Variants in TMEM232 observed in about 807,000 individuals in gnomAD.
The protein encoded by TMEM232 is transmembrane protein 232.
TMEM232 carries 80 observed loss-of-function variants against 78.8 expected under a neutral mutation model. The observed-to-expected ratio is 1.01, with a 90% CI of 0.85 to 1.22. The LOEUF (loss-of-function observed/expected upper bound fraction) is 1.22, where lower values mean the gene tolerates loss of function less well. Among genes scored for constraint, TMEM232 ranks in the 50% most tolerant of loss-of-function variants. TMEM232 has a pLI of 0.00. For missense variants in TMEM232, 881 were observed against 742.2 expected (o/e 1.19, Z -2.17); for synonymous variants, 297 against 254.3 (o/e 1.17, Z -1.60).
intron 11 of TMEM232, among the ~76,000 whole-genome samples, chr5:110,533,983 C>G (rs141127244): frequency 5.6e-4 from 86 of 152,288 alleles, no homozygotes; most frequent in African/African-American, 2.0e-3. Flanking sequence ...TACTACTTCT[C>G]AAGGATTATT....
At chr5:110,668,542 A>G (rs557729726) in intron 1 of TMEM232, among the ~76,000 whole-genome samples, 1 of 152,148 alleles carries the variant, frequency 6.6e-6, no homozygotes, top group African/African-American at 2.4e-5. Context: ...CAAAATATGG[A>G]TCACAGACAC....
intron 12 of TMEM232, among the ~76,000 whole-genome samples, chr5:110,437,614 T>C (rs1247949108): frequency 6.6e-6 from 1 of 152,020 alleles, no homozygotes; most frequent in Admixed American, 6.6e-5. Flanking sequence ...TACATGCATA[T>C]TATATACTTC....
chr5:110,707,064 A>G (rs1250057325), intron 1 of TMEM232, among the ~76,000 whole-genome samples: 2 of 152,200 alleles, frequency 1.3e-5, no homozygotes, highest in Non-Finnish European at 2.9e-5. Flanking sequence ...GGAATATCCA[A>G]ATAAAATTGT....
intron 12 of TMEM232, among the ~76,000 whole-genome samples, chr5:110,449,712 T>A (rs992721095): frequency 2.6e-5 from 4 of 152,152 alleles, no homozygotes; most frequent in Admixed American, 1.3e-4. Context: ...TTAATAACTA[T>A]GGAGCACCTA....
At chr5:110,431,301 T>TTGATGA (rs1757814075) in intron 12 of TMEM232, among the ~76,000 whole-genome samples, 1 of 151,610 alleles carries the variant, frequency 6.6e-6, no homozygotes. Context: ...GAGAGAGGCC[T>TTGATGA]TGATGAACAC....
intron 12 of TMEM232, among the ~76,000 whole-genome samples, chr5:110,438,733 A>G (rs951058665): frequency 1.3e-5 from 2 of 151,950 alleles, no homozygotes; most frequent in East Asian, 3.9e-4. Context: ...CTCCCCTACA[A>G]CTCAGTTCAA....
intron 11 of TMEM232, among the ~76,000 whole-genome samples, chr5:110,535,236 C>T (rs1272389621): frequency 2.0e-5 from 3 of 152,022 alleles, no homozygotes; most frequent in Admixed American, 6.5e-5. Flanking sequence ...GTGAAAATGG[C>T]CTGTTCCTGC....
intron 10 of TMEM232, among the ~76,000 whole-genome samples, chr5:110,579,130 G>A (rs913582187): frequency 2.0e-5 from 3 of 151,622 alleles, no homozygotes; most frequent in Non-Finnish European, 4.4e-5. Flanking sequence ...TCAAGGGGAT[G>A]ATTGTAAGAC....
intron 12 of TMEM232, among the ~76,000 whole-genome samples, chr5:110,514,414 A>C (rs1254075365): frequency 6.6e-6 from 1 of 152,176 alleles, no homozygotes; most frequent in Non-Finnish European, 1.5e-5. Context: ...TTATATTCTA[A>C]AGAAAATAAA....
At chr5:110,445,783 G>A (rs972006066) in intron 12 of TMEM232, among the ~76,000 whole-genome samples, 2 of 152,124 alleles carry the variant, frequency 1.3e-5, no homozygotes, top group Non-Finnish European at 2.9e-5. Flanking sequence ...GGCGATCAAA[G>A]ACATGACTTT....
intron 12 of TMEM232, among the ~76,000 whole-genome samples, chr5:110,437,674 A>G (rs1758586794): frequency 6.6e-6 from 1 of 152,144 alleles, no homozygotes; most frequent in Non-Finnish European, 1.5e-5. Context: ...GGTAAGAAGC[A>G]TATTTTAGTA....
intron 11 of TMEM232, among the ~76,000 whole-genome samples, chr5:110,544,744 G>A (rs936072513): frequency 6.6e-6 from 1 of 151,914 alleles, no homozygotes; most frequent in African/African-American, 2.4e-5. Flanking sequence ...TCAAAGTAGT[G>A]TCATAAGATT....
At chr5:110,477,394 T>G (rs1041987204) in intron 12 of TMEM232, among the ~76,000 whole-genome samples, 1 of 152,046 alleles carries the variant, frequency 6.6e-6, no homozygotes, top group Non-Finnish European at 1.5e-5. Flanking sequence ...GTAACAAATC[T>G]AGTTTTGTAA....
chr5:110,501,928 GT>G (rs1308648755), intron 12 of TMEM232, among the ~76,000 whole-genome samples: 1 of 152,022 alleles, frequency 6.6e-6, no homozygotes, highest in African/African-American at 2.4e-5. Context: ...GTTTTGCCGA[GT>G]TTTTAATATA....
chr5:110,707,900 C>A (rs1246920472), intron 1 of TMEM232, among the ~76,000 whole-genome samples: 1 of 152,160 alleles, frequency 6.6e-6, no homozygotes, highest in Non-Finnish European at 1.5e-5. Flanking sequence ...CATTTTTAGA[C>A]ACACCCCGGG....
intron 1 of TMEM232, among the ~76,000 whole-genome samples, chr5:110,683,151 A>T (rs1792960868): frequency 6.6e-6 from 1 of 152,156 alleles, no homozygotes; most frequent in South Asian, 2.1e-4. Context: ...CTTTTAATTA[A>T]TTATATAAAT....
chr5:110,607,406 T>G (rs1249192128), intron 8 of TMEM232, among the ~76,000 whole-genome samples: 1 of 151,980 alleles, frequency 6.6e-6, no homozygotes, highest in African/African-American at 2.4e-5. Flanking sequence ...TTAACCTTAG[T>G]GTGGCAGGTG....
chr5:110,399,652 C>CT (rs1253423979), intron 2 of TMEM232, among the ~76,000 whole-genome samples: 5 of 152,028 alleles, frequency 3.3e-5, no homozygotes, highest in Admixed American at 2.0e-4. Context: ...AGCCAGTGCT[C>CT]TTTTTTTCAG....
At chr5:110,708,851 A>G (rs769251196) in intron 1 of TMEM232, among the ~76,000 whole-genome samples, 2 of 152,134 alleles carry the variant, frequency 1.3e-5, no homozygotes, top group Non-Finnish European at 2.9e-5. Flanking sequence ...CAAAACAAAT[A>G]ACAAAATGGC....
Sources: gnomAD v4.1 joint callset for allele counts (sites outside exome capture counted in the v4.1 genomes callset) on GRCh38, gnomAD v4.1.1 for gene constraint, MANE v1.5 for transcripts, NCBI Gene and HGNC (gene_info 2026-07-23, HGNC 2026-07-21) for gene names.